The following EHBP1 variants were observed in gnomAD, a reference collection of about 807,000 sequenced individuals.
EHBP1 encodes the protein EH domain-binding protein 1.
In EHBP1, 55 loss-of-function variants were observed where a neutral mutation model predicts 144.0. The ratio of observed to expected loss-of-function variants is 0.38; its 90% CI spans 0.31 to 0.48. The LOEUF (loss-of-function observed/expected upper bound fraction) is 0.48, where lower values mean the gene tolerates loss of function less well. Ranked by LOEUF, EHBP1 falls within the 20% of genes least tolerant of loss-of-function variation. The pLI is 0.98. For missense variants in EHBP1, 1,200 were observed against 1,364.2 expected (o/e 0.88, Z 1.90); for synonymous variants, 469 against 472.7 (o/e 0.99, Z 0.10).
intron 5 of EHBP1, among the ~76,000 whole-genome samples, chr2:62,809,292 GAAAAAAAA>G (rs985494969): frequency 4.3e-5 from 2 of 46,574 alleles, no homozygotes; most frequent in African/African-American, 7.3e-5. Flanking sequence ...CTATGTCTCA[GAAAAAAAA>G]AAAAAAAAAA....
chr2:62,697,305 A>G (rs1239153754), intron 1 of EHBP1, among the ~76,000 whole-genome samples: 5 of 152,262 alleles, frequency 3.3e-5, no homozygotes, highest in Admixed American at 1.3e-4. Flanking sequence ...ATAAATTGTA[A>G]ACAGGACTCC....
At chr2:62,829,362 C>G (rs2046608203) in intron 6 of EHBP1, among the ~76,000 whole-genome samples, 2 of 151,702 alleles carry the variant, frequency 1.3e-5, no homozygotes, top group Non-Finnish European at 2.9e-5. Flanking sequence ...CACACCCCTC[C>G]CACTCTTCCA....
At chr2:62,982,213 G>A (rs1216800167) in intron 15 of EHBP1, among the ~76,000 whole-genome samples, 1 of 152,164 alleles carries the variant, frequency 6.6e-6, no homozygotes, top group Admixed American at 6.5e-5. Context: ...CAGTACCAGC[G>A]ATTGTGCTTT....
chr2:62,785,757 G>A (rs1345174148), intron 5 of EHBP1, among the ~76,000 whole-genome samples: 1 of 151,924 alleles, frequency 6.6e-6, no homozygotes, highest in African/African-American at 2.4e-5. Context: ...GGTTTCTAGT[G>A]TTTTTATGTG....
intron 14 of EHBP1, among the ~76,000 whole-genome samples, chr2:62,965,543 C>A (rs2058208645): frequency 6.6e-6 from 1 of 152,148 alleles, no homozygotes; most frequent in Non-Finnish European, 1.5e-5. Flanking sequence ...ACATTGTGCA[C>A]ATTAGAATTT....
intron 10 of EHBP1, among the ~76,000 whole-genome samples, chr2:62,888,414 G>A (rs1394676520): frequency 6.6e-6 from 1 of 152,252 alleles, no homozygotes; most frequent in Non-Finnish European, 1.5e-5. Context: ...TAGAATGCTT[G>A]CCTTTTAAAA....
intron 2 of EHBP1, among the ~76,000 whole-genome samples, chr2:62,731,354 A>G (rs1196605124): frequency 6.6e-6 from 1 of 152,166 alleles, no homozygotes; most frequent in Admixed American, 6.5e-5. Context: ...TATCACACGC[A>G]AACAAATACA....
At chr2:62,901,275 A>G (rs2053389537) in intron 10 of EHBP1, among the ~76,000 whole-genome samples, 1 of 152,146 alleles carries the variant, frequency 6.6e-6, no homozygotes, top group Non-Finnish European at 1.5e-5. Flanking sequence ...TCTTACTTTA[A>G]TCTTCCTATT....
chr2:62,747,560 T>C (rs2039276734), intron 3 of EHBP1, 108 bp downstream of exon 3: 1 of 866,802 alleles, frequency 1.2e-6, no homozygotes, highest in Non-Finnish European at 1.8e-6. Flanking sequence ...TTTGTTTTTT[T>C]TTCTTGATTG....
At chr2:62,858,887 A>G (rs1332176683) in intron 7 of EHBP1, among the ~76,000 whole-genome samples, 2 of 152,308 alleles carry the variant, frequency 1.3e-5, no homozygotes, top group African/African-American at 4.8e-5. Context: ...GTCTATGTCA[A>G]CACTTTTTTT....
chr2:62,705,501 TA>T (rs554315489), upstream of EHBP1, among the ~76,000 whole-genome samples: 8 of 150,864 alleles, frequency 5.3e-5, no homozygotes, highest in Admixed American at 4.0e-4. Context: ...TTTTTTTTTT[TA>T]AAAAAAAGGT....
chr2:62,897,151 A>G (rs1046366368), intron 10 of EHBP1, among the ~76,000 whole-genome samples: 1 of 152,282 alleles, frequency 6.6e-6, no homozygotes, highest in Admixed American at 6.5e-5. Flanking sequence ...CACACATACA[A>G]GCAAATCCAA....
intron 2 of EHBP1, among the ~76,000 whole-genome samples, chr2:62,738,091 A>T (rs2038334835): frequency 6.6e-6 from 1 of 151,824 alleles, no homozygotes; most frequent in Non-Finnish European, 1.5e-5. Flanking sequence ...TAGCCTTCCT[A>T]ATGGGTATGA....
Position 63,045,371 on chromosome 2 carries a change from A to T in EHBP1, c.3393-39A>T, listed in dbSNP as rs746771793. The T allele has an allele frequency of 1.3e-6, 2 of 1,592,624 alleles. No individual in the cohort carries two copies. The highest frequency in any genetic ancestry group is 2.2e-5 in the South Asian group (2 of 90,562). On this transcript the variant is annotated intron_variant, in intron 22 of 22. Transcript: ENST00000431489. This position sits in a 1 kb window ranked among gnomAD's most constrained non-coding sequence, Gnocchi z 5.7. ...TGCTCTGCCCTCCACGAAGAAAAAT[A>T]ATTTTGTTTCCTGTTTGTCCTGTTT... is the stretch of plus-strand genomic sequence containing the variant.
At chr2:62,814,880 A>G (rs2045325268) in intron 5 of EHBP1, among the ~76,000 whole-genome samples, 1 of 152,226 alleles carries the variant, frequency 6.6e-6, no homozygotes, top group Non-Finnish European at 1.5e-5. Flanking sequence ...GTTCTTATCA[A>G]ATTTAAATGA....
chr2:62,794,846 T>A (rs1327085469), intron 5 of EHBP1, among the ~76,000 whole-genome samples: 1 of 152,064 alleles, frequency 6.6e-6, no homozygotes, highest in Admixed American at 6.6e-5. Flanking sequence ...ACTACTTAAA[T>A]GTTTTTATTG....
intron 1 of EHBP1, among the ~76,000 whole-genome samples, chr2:62,678,754 T>C (rs1350171259): frequency 6.6e-6 from 1 of 152,194 alleles, no homozygotes; most frequent in Non-Finnish European, 1.5e-5. Flanking sequence ...TAAATATCCC[T>C]GTACCCAAAT....
At chr2:62,789,951 A>C (rs1015415530) in intron 5 of EHBP1, among the ~76,000 whole-genome samples, 1 of 152,218 alleles carries the variant, frequency 6.6e-6, no homozygotes, top group South Asian at 2.1e-4. Flanking sequence ...TTAGTTTTCT[A>C]TATGATGTCA....
chr2:62,854,613 G>A (rs1049323577), intron 7 of EHBP1, among the ~76,000 whole-genome samples: 1 of 152,176 alleles, frequency 6.6e-6, no homozygotes, highest in African/African-American at 2.4e-5. Flanking sequence ...CAGTCAGAAT[G>A]CACACATTAT....
Sources: allele counts gnomAD v4.1 joint callset (sites outside exome capture counted in the v4.1 genomes callset), GRCh38; gene constraint gnomAD v4.1.1; non-coding constraint Gnocchi (gnomAD v3.1); transcripts MANE v1.5; gene names NCBI Gene and HGNC (gene_info 2026-07-23, HGNC 2026-07-21).